Variants in ANKRD46 observed in about 807,000 individuals in gnomAD.
ANKRD46 encodes the protein ankyrin repeat domain 46.
A neutral mutation model predicts 19.8 loss-of-function variants in ANKRD46; 13 were observed. That is an observed-to-expected ratio of 0.66 (90% CI 0.43 to 1.04). The LOEUF (loss-of-function observed/expected upper bound fraction) is 1.04, where lower values mean the gene tolerates loss of function less well. Among genes scored for constraint, ANKRD46 ranks in the 50% least tolerant of loss-of-function variants. ANKRD46 has a pLI of 0.00. For synonymous variants in ANKRD46, 91 were observed against 106.9 expected (o/e 0.85, Z 0.92); for missense variants, 185 against 274.8 (o/e 0.67, Z 2.31).
chr8:100,534,061 G>T lies in ANKRD46; in HGVS notation c.-130-750C>A, dbSNP rs1306106281. Among the ~76,000 whole-genome samples, 1 of 152,206 alleles carries T rather than the reference G, an allele frequency of 6.6e-6. No individual in the cohort carries two copies. The highest frequency in any genetic ancestry group is 1.5e-5 in the Non-Finnish European group (1 of 68,036). On this transcript the variant is annotated intron_variant, in intron 1 of 4. Coordinates refer to ENST00000335659, the MANE Select transcript of ANKRD46 (RefSeq NM_001270377.2). The surrounding 1 kb of genome is among the most constrained non-coding windows in gnomAD (Gnocchi z 4.2). Reference sequence around the variant, plus strand: ...CACAAAAATAGCAATATTAGTTCATGAAACAAACATTCACTGTGTGCCTGC... The same window carrying T: ...CACAAAAATAGCAATATTAGTTCATTAAACAAACATTCACTGTGTGCCTGC...
intron 1 of ANKRD46, among the ~76,000 whole-genome samples, chr8:100,558,293 GC>G (rs1311898175): frequency 6.6e-6 from 1 of 152,104 alleles, no homozygotes; most frequent in African/African-American, 2.4e-5. Context: ...TCTCTCCAGT[GC>G]CTTTCCTGTA....
rs961009175 is a variant in ANKRD46, at chr8:100,541,164, G to A, written c.-130-7853C>T. 4.6e-5 allele frequency among the ~76,000 whole-genome samples: 7 copies of A among 151,436 alleles called. No homozygotes were observed. In the South Asian group the frequency reaches 1.3e-3, roughly 27 times the overall value. On this transcript the variant is annotated intron_variant, in intron 1 of 4. Transcript: ENST00000335659. ...TTTTCCTTTTAAAAAAACTTTTCAA[G>A]AAAATTAATAGCAAAAATATGATTC...
intron 4 of ANKRD46, among the ~76,000 whole-genome samples, chr8:100,523,252 T>C (rs1440615407): frequency 1.3e-5 from 2 of 152,054 alleles, no homozygotes; most frequent in African/African-American, 2.4e-5. Context: ...ATTCTTGTTA[T>C]GTTAAATTTA....
Position 100,521,160 on chromosome 8 carries a change from C to T in ANKRD46, c.*1395G>A. 1 of 984,690 alleles carries T rather than the reference C, an allele frequency of 1.0e-6. No homozygotes were observed. The highest frequency in any genetic ancestry group is 5.2e-4 in the Middle Eastern group (1 of 1,914). The allele number at this position is 984,690 out of a possible 1,614,324, so 61.0% of individuals were successfully genotyped here. A position where few individuals can be genotyped will look rare whatever the true frequency, so the allele number is the denominator to read the frequency against. ...GGATAAAGCCACATGAAAGAGCAAG[C>T]CTCAATACTAGATACATAGATACAA... On this transcript the variant is annotated 3_prime_UTR_variant, in exon 5 of 5. Coordinates refer to ENST00000335659, the MANE Select transcript of ANKRD46 (RefSeq NM_001270377.2).
At position 100,555,722 on chromosome 8, in the gene ANKRD46, T is replaced by TAAA. The variant is rs59521764; in HGVS notation, c.-131+3986_-131+3988dup. Among the ~76,000 whole-genome samples the TAAA allele has an allele frequency of 2.4e-3, 130 of 53,312 alleles. 12 individuals are homozygous for TAAA. The highest frequency in any genetic ancestry group is 9.9e-3 in the East Asian group (10 of 1,010). 35.0% of individuals were successfully genotyped at this position (53,312 alleles called of 152,430 possible). A position where few individuals can be genotyped will look rare whatever the true frequency, so the allele number is the denominator to read the frequency against. ...GCACCAACTTAATATTTTCCTCAGC[T>TAAA]AAAAAAAAAAAAAAAAAAAAAAAAA... is the stretch of plus-strand genomic sequence containing the variant. On this transcript the variant is annotated intron_variant, in intron 1 of 4. Transcript: ENST00000335659.
At chr8:100,520,586 C>T (rs530594393), downstream of ANKRD46, among the ~76,000 whole-genome samples, 5 of 151,942 alleles carry the variant, frequency 3.3e-5, no homozygotes, top group South Asian at 2.1e-4. Flanking sequence ...CTTAAATCTA[C>T]GAGCAATTCA....
chr8:100,514,267 T>C (rs996002124), intron 5 of ANKRD46, among the ~76,000 whole-genome samples: 1 of 152,150 alleles, frequency 6.6e-6, no homozygotes, highest in Non-Finnish European at 1.5e-5. Flanking sequence ...CATAAAGGGA[T>C]ACTGTGAAAA....
intron 1 of ANKRD46, among the ~76,000 whole-genome samples, chr8:100,549,242 C>A (rs1216563833): frequency 1.3e-5 from 2 of 151,478 alleles, no homozygotes; most frequent in Non-Finnish European, 2.9e-5. Context: ...AGTGCTAGGA[C>A]TACAGGCGTG....
chr8:100,556,257 C>T (rs1812496903), intron 1 of ANKRD46, among the ~76,000 whole-genome samples: 1 of 152,178 alleles, frequency 6.6e-6, no homozygotes, highest in African/African-American at 2.4e-5. Context: ...CTGAGCTCAA[C>T]AGATCCTCCA....
In ANKRD46 at chr8:100,536,521, GT is replaced by G. The variant is rs2130673350; in HGVS notation, c.-130-3211del. 6.6e-6 allele frequency among the ~76,000 whole-genome samples: 1 copy of G among 152,236 alleles called. No individual in the cohort carries two copies. Among genetic ancestry groups the G allele is most frequent in the East Asian group, 1.9e-4 (1 of 5,186 alleles). Reference sequence around the variant, plus strand: ...GGCTAGACACAGCTCTGGGGAGACAGTCCTCAGCCATACGGAAGAAAGCTTG... The same window carrying G: ...GGCTAGACACAGCTCTGGGGAGACAGCCTCAGCCATACGGAAGAAAGCTTG... On this transcript the variant is annotated intron_variant, in intron 1 of 4. Transcript: ENST00000335659. The surrounding 1 kb of genome is among the most constrained non-coding windows in gnomAD (Gnocchi z 4.9).
In ANKRD46 at chr8:100,529,549, A is replaced by C; in HGVS notation, c.285T>G (p.Val95=). The C allele has an allele frequency of 2.5e-6, 4 of 1,612,650 alleles. No individual in the cohort carries two copies. The highest frequency in any genetic ancestry group is 3.4e-6 in the Non-Finnish European group (4 of 1,178,664). Residue 95 remains valine, a synonymous_variant, in exon 3 of 5, where the codon GTT becomes GTG. Coordinates refer to ENST00000335659, the MANE Select transcript of ANKRD46 (RefSeq NM_001270377.2). This position sits in a 1 kb window ranked among gnomAD's most constrained non-coding sequence, Gnocchi z 5.8. ...AAATATCAATTTTGAGTCCATTGGA[A>C]ACCAAAAATTGGATAGTATCCACAT... is the stretch of plus-strand genomic sequence containing the variant. ...CGHVDTIQFL[V]SNGLKIDICN... is the part of the protein sequence containing the mutation.
At chr8:100,540,930 T>G (rs2130683961) in intron 1 of ANKRD46, among the ~76,000 whole-genome samples, 1 of 151,324 alleles carries the variant, frequency 6.6e-6, no homozygotes, top group East Asian at 1.9e-4. Context: ...TTTAAAACTG[T>G]TTTTTTCTAG....
intron 2 of ANKRD46, among the ~76,000 whole-genome samples, chr8:100,531,375 T>G (rs1317725174): frequency 3.3e-5 from 5 of 152,200 alleles, no homozygotes; most frequent in Non-Finnish European, 7.3e-5. Flanking sequence ...CAGGGAAGCC[T>G]GGCTGCTGAG....
chr8:100,515,216 T>C (rs1811610300), intron 5 of ANKRD46, among the ~76,000 whole-genome samples: 2 of 152,180 alleles, frequency 1.3e-5, no homozygotes. Flanking sequence ...CAGCGGACAA[T>C]GAGCTTGAAT....
chr8:100,538,183 T>A (rs577562188), intron 1 of ANKRD46, among the ~76,000 whole-genome samples: 1 of 152,232 alleles, frequency 6.6e-6, no homozygotes, highest in African/African-American at 2.4e-5. Context: ...TAAAGTAATA[T>A]TTTTTCTTAT....
Position 100,522,283 on chromosome 8 carries a change from C to A in ANKRD46, c.*272G>T. On this transcript the variant is annotated 3_prime_UTR_variant, in exon 5 of 5. Transcript: ENST00000335659. ...TCCTTTATCTTCCATTCTCTAGTCACTTCCGTGTTTTTATCAAACAAGGCT... is the reference window on the plus strand; with the variant it reads ...TCCTTTATCTTCCATTCTCTAGTCAATTCCGTGTTTTTATCAAACAAGGCT... 3.2e-6 allele frequency: 4 copies of A among 1,242,370 alleles called. No homozygotes were observed. Among genetic ancestry groups the A allele is most frequent in the Non-Finnish European group, 4.1e-6 (4 of 986,952 alleles). The allele number at this position is 1,242,370 out of a possible 1,614,324, so 77.0% of individuals were successfully genotyped here.
chr8:100,520,210 G>C (rs1259099393), downstream of ANKRD46, among the ~76,000 whole-genome samples: 2 of 152,166 alleles, frequency 1.3e-5, no homozygotes, highest in Non-Finnish European at 2.9e-5. Context: ...TCTACCACTG[G>C]GAAGATGTGT....
rs946469415 is a variant in ANKRD46 at position 100,532,030 on chromosome 8, C to T, written c.-28+1179G>A. ...AGGAACAGAGAAGACAGAATTAGCA[C>T]AACTTAATGACTCACTGGATATGAA... On this transcript the variant is annotated intron_variant, in intron 2 of 4. Coordinates refer to ENST00000335659, the MANE Select transcript of ANKRD46 (RefSeq NM_001270377.2). This position sits in a 1 kb window ranked among gnomAD's most constrained non-coding sequence, Gnocchi z 4.7. Among the ~76,000 whole-genome samples the T allele has an allele frequency of 1.3e-5, 2 of 152,006 alleles. No individual in the cohort carries two copies. Among genetic ancestry groups the T allele is most frequent in the African/African-American group, 4.8e-5 (2 of 41,340 alleles).
At position 100,551,106 on chromosome 8, in the gene ANKRD46, G is replaced by A. The variant is rs1586803091; in HGVS notation, c.-131+8605C>T. 6.1e-6 allele frequency: 3 copies of A among 494,664 alleles called. No individual in the cohort carries two copies. The East Asian group carries it at 1.5e-4, about 25-fold the overall frequency. 30.6% of individuals were successfully genotyped at this position (494,664 alleles called of 1,614,324 possible). A position where few individuals can be genotyped will look rare whatever the true frequency, so the allele number is the denominator to read the frequency against. ...CAACACCAGTAGATGCAGGGATGAT[G>A]TTCTGGAGAGCCCCACAGACATATG... On this transcript the variant is annotated intron_variant, in intron 1 of 4. Coordinates refer to ENST00000335659, the MANE Select transcript of ANKRD46 (RefSeq NM_001270377.2).
Sources: allele counts gnomAD v4.1 joint callset (sites outside exome capture counted in the v4.1 genomes callset), GRCh38; gene constraint gnomAD v4.1.1; non-coding constraint Gnocchi (gnomAD v3.1); transcripts MANE v1.5; gene names NCBI Gene and HGNC (gene_info 2026-07-23, HGNC 2026-07-21).